The following STAC variants were observed in gnomAD, a reference collection of about 807,000 sequenced individuals.
STAC encodes the protein SH3 and cysteine-rich domain-containing protein.
In STAC, 43 loss-of-function variants were observed where a neutral mutation model predicts 48.8. That is an observed-to-expected ratio of 0.88 (90% CI 0.69 to 1.14). The LOEUF is 1.14. STAC is among the 50% of genes most tolerant of loss of function. STAC has a pLI of 0.00. For missense variants in STAC, 497 were observed against 504.0 expected, an observed-to-expected ratio of 0.99 and a Z score of 0.13; for synonymous variants, 193 against 179.5, an observed-to-expected ratio of 1.07 and a Z score of -0.60.
At chr3:36,447,582 A>G (rs956148310) in intron 2 of STAC, among the ~76,000 whole-genome samples, 1 of 151,928 alleles carries the variant, frequency 6.6e-6, no homozygotes, top group Non-Finnish European at 1.5e-5. Context: ...ACCTCATCCC[A>G]TTGCTCAACA....
intron 2 of STAC, among the ~76,000 whole-genome samples, chr3:36,475,665 G>A (rs1379137897): frequency 6.6e-6 from 1 of 152,198 alleles, no homozygotes; most frequent in Non-Finnish European, 1.5e-5. Context: ...CATTCTATAA[G>A]GAGGAGGCAG....
chr3:36,525,942 C>T lies in STAC; in HGVS notation c.921-2754C>T, dbSNP rs114020821. Among the ~76,000 whole-genome samples, 569 of 152,304 alleles carry T rather than the reference C, an allele frequency of 3.7e-3. 2 individuals carry two copies. The highest frequency in any genetic ancestry group is 4.3e-3 in the Non-Finnish European group (295 of 68,028). On this transcript the variant is annotated intron_variant, in intron 8 of 10. Coordinates refer to ENST00000273183, the MANE Select transcript of STAC (RefSeq NM_003149.3). ...TTGGATCAGAATAGCAAAATGAATA[C>T]GCAAATCTACTTTTGCTCCAATTCC...
chr3:36,504,727 T>C (rs1270972991), intron 7 of STAC, among the ~76,000 whole-genome samples: 1 of 152,110 alleles, frequency 6.6e-6, no homozygotes, highest in Non-Finnish European at 1.5e-5. Context: ...TATCACTGTA[T>C]TTTATAGCAT....
intron 1 of STAC, among the ~76,000 whole-genome samples, chr3:36,430,611 T>C (rs1306498908): frequency 6.6e-6 from 1 of 152,186 alleles, no homozygotes; most frequent in African/African-American, 2.4e-5. Flanking sequence ...AGGAGCACAA[T>C]ATTTGCCTCA....
At chr3:36,455,224 T>C (rs966679921) in intron 2 of STAC, among the ~76,000 whole-genome samples, 2 of 152,212 alleles carry the variant, frequency 1.3e-5, no homozygotes, top group Non-Finnish European at 2.9e-5. Context: ...GTTTCATATA[T>C]TTTATCCCTG....
At chr3:36,396,966 T>G (rs934184223) in intron 1 of STAC, among the ~76,000 whole-genome samples, 15 of 152,214 alleles carry the variant, frequency 9.9e-5, no homozygotes, top group Non-Finnish European at 7.3e-5. Context: ...GCTTCTAATT[T>G]GCTTCTGCTA....
At chr3:36,540,067 G>A (rs553990154) in intron 10 of STAC, among the ~76,000 whole-genome samples, 1 of 152,280 alleles carries the variant, frequency 6.6e-6, no homozygotes, top group South Asian at 2.1e-4. Flanking sequence ...AGAAGGAGAT[G>A]TGATGATGGA....
intron 1 of STAC, among the ~76,000 whole-genome samples, chr3:36,420,693 G>A (rs1478719507): frequency 6.6e-6 from 1 of 152,188 alleles, no homozygotes; most frequent in Non-Finnish European, 1.5e-5. Flanking sequence ...TGTCTTCCAT[G>A]AAACTGGTCC....
At chr3:36,432,251 G>A (rs1405813868) in intron 1 of STAC, among the ~76,000 whole-genome samples, 1 of 152,200 alleles carries the variant, frequency 6.6e-6, no homozygotes, top group Non-Finnish European at 1.5e-5. Flanking sequence ...GGGAATTTGG[G>A]ACTCAGAGAA....
At chr3:36,413,206 C>T (rs1700237094) in intron 1 of STAC, among the ~76,000 whole-genome samples, 1 of 152,310 alleles carries the variant, frequency 6.6e-6, no homozygotes, top group African/African-American at 2.4e-5. Context: ...TGGTGCAGAG[C>T]TGAGTTCAAT....
chr3:36,471,656 C>T (rs1001493958), intron 2 of STAC, among the ~76,000 whole-genome samples: 1 of 152,168 alleles, frequency 6.6e-6, no homozygotes, highest in Admixed American at 6.5e-5. Flanking sequence ...GTTAAGGGCC[C>T]ATGCAAGTCC....
chr3:36,544,606 C>G (rs913084565), intron 10 of STAC, among the ~76,000 whole-genome samples: 1 of 152,152 alleles, frequency 6.6e-6, no homozygotes, highest in African/African-American at 2.4e-5. Context: ...CCTAGGTCAT[C>G]TGGTACTATG....
At chr3:36,498,934 G>C (rs1029148279) in intron 6 of STAC, among the ~76,000 whole-genome samples, 1 of 152,124 alleles carries the variant, frequency 6.6e-6, no homozygotes, top group Non-Finnish European at 1.5e-5. Flanking sequence ...CAGTATAAAA[G>C]ACTGATTACC....
chr3:36,433,451 T>C (rs891050774), intron 1 of STAC, among the ~76,000 whole-genome samples: 1 of 152,230 alleles, frequency 6.6e-6, no homozygotes, highest in Non-Finnish European at 1.5e-5. Flanking sequence ...TGTTTTAACA[T>C]TGATTCATAC....
At chr3:36,477,988 A>G (rs990253515) in intron 2 of STAC, among the ~76,000 whole-genome samples, 1 of 152,342 alleles carries the variant, frequency 6.6e-6, no homozygotes, top group Admixed American at 6.5e-5. Context: ...TGAAAGTTCT[A>G]CAACAGAAAC....
At chr3:36,391,380 C>T (rs1164906047) in intron 1 of STAC, among the ~76,000 whole-genome samples, 1 of 152,204 alleles carries the variant, frequency 6.6e-6, no homozygotes, top group East Asian at 1.9e-4. Context: ...AATCTTACTT[C>T]TTATCATTTC....
chr3:36,458,927 C>T (rs951721831), intron 2 of STAC, among the ~76,000 whole-genome samples: 3 of 152,138 alleles, frequency 2.0e-5, no homozygotes, highest in African/African-American at 7.2e-5. Flanking sequence ...TCTGGTTAGG[C>T]CCTGAGATTC....
intron 1 of STAC, among the ~76,000 whole-genome samples, chr3:36,395,552 C>A (rs1003440317): frequency 6.6e-6 from 1 of 152,056 alleles, no homozygotes; most frequent in Non-Finnish European, 1.5e-5. Flanking sequence ...GAGTGAATGA[C>A]CAGAATACAT....
At chr3:36,507,453 C>A (rs1024978300) in intron 8 of STAC, among the ~76,000 whole-genome samples, 3 of 152,084 alleles carry the variant, frequency 2.0e-5, no homozygotes, top group African/African-American at 7.2e-5. Flanking sequence ...GGGAGGAGTC[C>A]CTCTTTTTCT....
Sources: gnomAD v4.1 joint callset for allele counts (sites outside exome capture counted in the v4.1 genomes callset) on GRCh38, gnomAD v4.1.1 for gene constraint, MANE v1.5 for transcripts, NCBI Gene and HGNC (gene_info 2026-07-23, HGNC 2026-07-21) for gene names.